GRIK4: variants seen among roughly 807,000 people sequenced by gnomAD.
GRIK4 encodes glutamate receptor ionotropic, kainate 4.
A neutral mutation model predicts 104.9 loss-of-function variants in GRIK4; 40 were observed. The ratio of observed to expected loss-of-function variants is 0.38; its 90% CI spans 0.30 to 0.50. The LOEUF is 0.50. GRIK4 is among the 20% of genes least tolerant of loss of function. The probability of loss-of-function intolerance (pLI) is 0.93; values close to 1 mark genes in which losing one functional copy is unlikely to be tolerated. For synonymous variants in GRIK4, 485 were observed against 524.9 expected (o/e 0.92, Z 1.04); for missense variants, 1,047 against 1,308.1 (o/e 0.80, Z 3.08).
At chr11:120,619,656 T>G (rs1364276732) in intron 1 of GRIK4, among the ~76,000 whole-genome samples, 1 of 152,078 alleles carries the variant, frequency 6.6e-6, no homozygotes, top group Admixed American at 6.6e-5. Flanking sequence ...AGTGAGTGAG[T>G]TCCCATGAGA....
At chr11:120,858,631 C>T (rs1954179591) in intron 8 of GRIK4, 1 of 152,142 alleles carries the variant, frequency 6.6e-6, no homozygotes, top group Admixed American at 6.6e-5. Context: ...GTTTTCCAGC[C>T]TTATCTGAGC....
chr11:120,671,259 A>G (rs1950012651), intron 3 of GRIK4, among the ~76,000 whole-genome samples: 1 of 152,154 alleles, frequency 6.6e-6, no homozygotes, highest in South Asian at 2.1e-4. Flanking sequence ...CTAGCTCTAG[A>G]TCCTTGAGGA....
Position 120,986,034 on chromosome 11 carries a change from G to T in GRIK4, c.2645G>T (p.Arg882Leu). 6.6e-7 allele frequency: 1 copy of T among 1,523,494 alleles called. No homozygotes were observed. The highest frequency in any genetic ancestry group is 8.8e-7 in the Non-Finnish European group (1 of 1,137,136). 94.4% of individuals were successfully genotyped at this position (1,523,494 alleles called of 1,614,324 possible). A position where few individuals can be genotyped will look rare whatever the true frequency, so the allele number is the denominator to read the frequency against. The change falls in exon 21 of 21, where the codon CGG becomes CTG. Residue 882 changes from arginine to leucine, a missense_variant. By Grantham distance (102) the Arg-to-Leu change is moderately radical. Around this residue, in one of 3 missense-constraint regions of GRIK4, gnomAD observed 160 missense variants for 140.9 expected, o/e 1.14. Coordinates refer to ENST00000527524, the MANE Select transcript of GRIK4 (RefSeq NM_014619.5). ...CCCATCCCCGAGGAGCGCCGACCGC[G>T]GGGCACGGCGACGCTCAGCAACGGG... ...RPPIPEERRPRGTATLSNGKL... is the reference protein window; with the variant it reads ...RPPIPEERRPLGTATLSNGKL...
At chr11:120,715,430 A>C (rs1950812168) in intron 3 of GRIK4, among the ~76,000 whole-genome samples, 1 of 152,170 alleles carries the variant, frequency 6.6e-6, no homozygotes, top group African/African-American at 2.4e-5. Context: ...AACAAAAGCA[A>C]TTGGAAGCTC....
Position 120,982,180 on chromosome 11 carries a change from A to C in GRIK4, c.2470A>C (p.Met824Leu). Residue 824 changes from methionine to leucine, a missense_variant, in exon 20 of 21, where the codon ATG (methionine) becomes CTG (leucine). By Grantham distance (15) the Met-to-Leu change is conservative (BLOSUM62 2). Transcript: ENST00000527524. Reference protein sequence around the residue: ...CGLIVAIFMAMLEFLWTLRHS... With the variant: ...CGLIVAIFMALLEFLWTLRHS... ...CTTAATCGTGGCCATTTTTATGGCT[A>C]TGTTGGAGTTTTTATGGACTCTCAG... The C allele has an allele frequency of 6.2e-7, 1 of 1,613,030 alleles. No individual in the cohort carries two copies. The highest frequency in any genetic ancestry group is 8.5e-7 in the Non-Finnish European group (1 of 1,178,968).
chr11:120,938,732 A>G (rs1321102603), intron 13 of GRIK4, among the ~76,000 whole-genome samples: 2 of 152,252 alleles, frequency 1.3e-5, no homozygotes, highest in Non-Finnish European at 2.9e-5. Flanking sequence ...ATCGACCAGC[A>G]TTAGAAAATG....
At chr11:120,527,499 C>T (rs1288303349) in intron 1 of GRIK4, among the ~76,000 whole-genome samples, 1 of 152,210 alleles carries the variant, frequency 6.6e-6, no homozygotes, top group Non-Finnish European at 1.5e-5. Flanking sequence ...TGCAAGTTCC[C>T]TCCTGCCTTC....
At chr11:120,827,915 G>A (rs979910829) in intron 6 of GRIK4, among the ~76,000 whole-genome samples, 17 of 152,156 alleles carry the variant, frequency 1.1e-4, no homozygotes, top group Admixed American at 9.2e-4. Flanking sequence ...TATTCCTTAC[G>A]TTGAGCTGGA....
At chr11:120,638,472 T>G (rs866498703) in intron 1 of GRIK4, among the ~76,000 whole-genome samples, 1 of 116,638 alleles carries the variant, frequency 8.6e-6, no homozygotes, top group African/African-American at 5.6e-5. Flanking sequence ...CAATGATTTC[T>G]TCTTCTTTTG....
At chr11:120,872,396 C>G (rs1954632035) in intron 9 of GRIK4, 1 of 162,534 alleles carries the variant, frequency 6.2e-6, no homozygotes. Context: ...GAGACAGCAT[C>G]CCTCCATCCA....
intron 3 of GRIK4, among the ~76,000 whole-genome samples, chr11:120,781,322 C>T (rs1258481104): frequency 3.3e-5 from 5 of 151,962 alleles, no homozygotes; most frequent in Non-Finnish European, 7.4e-5. Context: ...GGCATGGGGT[C>T]TGGCAATTTG....
chr11:120,938,482 G>A (rs1230457608), intron 13 of GRIK4, among the ~76,000 whole-genome samples: 1 of 152,186 alleles, frequency 6.6e-6, no homozygotes, highest in East Asian at 1.9e-4. Context: ...GCTTTATGGG[G>A]TGGAACGTGA....
intron 13 of GRIK4, among the ~76,000 whole-genome samples, chr11:120,912,682 G>A (rs1482302733): frequency 1.3e-5 from 2 of 152,194 alleles, no homozygotes; most frequent in Non-Finnish European, 2.9e-5. Flanking sequence ...TAGCTTGTAA[G>A]GGAAAGCAAG....
intron 19 of GRIK4, among the ~76,000 whole-genome samples, chr11:120,975,821 A>G (rs1438988650): frequency 6.6e-6 from 1 of 152,142 alleles, no homozygotes; most frequent in African/African-American, 2.4e-5. Flanking sequence ...GGGGACTGGC[A>G]TCAGTTTAGA....
chr11:120,622,850 T>G (rs1358580355), intron 1 of GRIK4, among the ~76,000 whole-genome samples: 1 of 152,222 alleles, frequency 6.6e-6, no homozygotes, highest in Non-Finnish European at 1.5e-5. Flanking sequence ...CTCTTCTCTG[T>G]GTGTCTGTCC....
rs146066242 is a variant in GRIK4 at position 120,665,073 on chromosome 11, A to G, written c.82+4673A>G. Among the ~76,000 whole-genome samples the G allele has an allele frequency of 3.8e-3, 578 of 152,310 alleles. 1 individual carries two copies. The highest frequency in any genetic ancestry group is 0.017 in the Middle Eastern group (5 of 294). ...TCCAATTCTGTACGGAGAATGTTCA[A>G]CATAGAACATTGAAATGTTATAAAG... On this transcript the variant is annotated intron_variant, in intron 3 of 20. Coordinates refer to ENST00000527524, the MANE Select transcript of GRIK4 (RefSeq NM_014619.5).
chr11:120,623,899 C>T (rs1949220791), intron 1 of GRIK4, among the ~76,000 whole-genome samples: 1 of 152,022 alleles, frequency 6.6e-6, no homozygotes, highest in Non-Finnish European at 1.5e-5. Context: ...TCCGTGGCAC[C>T]CTGCTTCTCT....
chr11:120,808,029 T>A (rs886638110), intron 4 of GRIK4, among the ~76,000 whole-genome samples: 1 of 151,998 alleles, frequency 6.6e-6, no homozygotes, highest in Non-Finnish European at 1.5e-5. Context: ...AGAATGTTGA[T>A]TGATGAAGAG....
intron 19 of GRIK4, among the ~76,000 whole-genome samples, chr11:120,971,047 TCAGCAA>T (rs1322183612): frequency 6.6e-6 from 1 of 152,180 alleles, no homozygotes; most frequent in Non-Finnish European, 1.5e-5. Flanking sequence ...AATCAAGCAT[TCAGCAA>T]AGTGCCTGGC....
Sources: gnomAD v4.1 joint callset for allele counts (sites outside exome capture counted in the v4.1 genomes callset) on GRCh38, gnomAD v4.1.1 for gene constraint, gnomAD v4.1.1 regional missense constraint, MANE v1.5 for transcripts, NCBI Gene and HGNC (gene_info 2026-07-23, HGNC 2026-07-21) for gene names.